Variants in MINDY4 observed in about 807,000 individuals in gnomAD.
MINDY4 encodes probable ubiquitin carboxyl-terminal hydrolase MINDY-4.
MINDY4 carries 68 observed loss-of-function variants against 87.0 expected under a neutral mutation model. That is an observed-to-expected ratio of 0.78 (90% confidence interval 0.64 to 0.96). The LOEUF is 0.96. Ranked by LOEUF, MINDY4 falls within the 40% of genes least tolerant of loss-of-function variation. MINDY4 has a pLI of 0.00. For missense variants in MINDY4, 919 were observed against 928.2 expected (o/e 0.99, Z 0.13); for synonymous variants, 379 against 363.2 (o/e 1.04, Z -0.50).
Position 30,875,637 on chromosome 7 carries a change from A to G in MINDY4, c.1952A>G (p.Glu651Gly), listed in dbSNP as rs778497421. ...GATATTGGCTTCTTATCTCTCTTTG[A>G]GCATTACAACATGTGCCAGGTACCC... Reference protein sequence around the residue: ...RSDIGFLSLFEHYNMCQVGCF... With the variant: ...RSDIGFLSLFGHYNMCQVGCF... Residue 651 changes from glutamate (E) to glycine (G), a missense_variant, in exon 15 of 18, where the codon GAG becomes GGG. Glu to Gly is a moderately conservative substitution (Grantham distance 98). Transcript: ENST00000265299. 20 of 1,611,640 alleles carry G rather than the reference A, an allele frequency of 1.2e-5. No homozygotes were observed. Among genetic ancestry groups the G allele is most frequent in the Non-Finnish European group, 1.7e-5 (20 of 1,178,372 alleles).
At chr7:30,880,410 C>G (rs964354042) in intron 15 of MINDY4, among the ~76,000 whole-genome samples, 1 of 151,602 alleles carries the variant, frequency 6.6e-6, no homozygotes, top group Non-Finnish European at 1.5e-5. Context: ...GAAAGAGGCT[C>G]CTGAATGAGG....
At chr7:30,776,503 C>G (rs983466772) in intron 1 of MINDY4, among the ~76,000 whole-genome samples, 1 of 152,138 alleles carries the variant, frequency 6.6e-6, no homozygotes, top group African/African-American at 2.4e-5. Flanking sequence ...ATGTTTTTTC[C>G]CCATATCATA....
chr7:30,871,987 G>A (rs1030098574), intron 13 of MINDY4, among the ~76,000 whole-genome samples: 1 of 152,130 alleles, frequency 6.6e-6, no homozygotes, highest in African/African-American at 2.4e-5. Flanking sequence ...TGTAGGCAGA[G>A]CCCTGGTGCG....
intron 12 of MINDY4, among the ~76,000 whole-genome samples, chr7:30,853,868 G>C (rs1789491193): frequency 6.6e-6 from 1 of 152,250 alleles, no homozygotes; most frequent in Non-Finnish European, 1.5e-5. Context: ...CAGCTGGTGA[G>C]GTAACCAGAA....
Position 30,791,561 on chromosome 7 carries a change from C to T in MINDY4, c.1060C>T (p.Pro354Ser). ...ERAFKRQGSQ[P>S]APVRKNQLLP... ...AGCGTTCAAACGGCAGGGCAGCCAG[C>T]CCGCACCTGTCAGGTGAGTGTGCTA... Residue 354 changes from proline (P) to serine (S), a missense_variant, in exon 5 of 18, where the codon CCC becomes TCC. Transcript: ENST00000265299. 6.2e-7 allele frequency: 1 copy of T among 1,611,220 alleles called. No homozygotes were observed. Among genetic ancestry groups the T allele is most frequent in the Middle Eastern group, 1.7e-4 (1 of 6,022 alleles).
intron 5 of MINDY4, among the ~76,000 whole-genome samples, chr7:30,823,680 C>T (rs7787573): frequency 0.038 from 5,793 of 152,156 alleles, 212 homozygotes; most frequent in East Asian, 0.22. Context: ...AATTTACAGC[C>T]TCTCTGAGAT....
chr7:30,810,831 T>C (rs1450974078), intron 5 of MINDY4, among the ~76,000 whole-genome samples: 2 of 152,184 alleles, frequency 1.3e-5, no homozygotes, highest in Non-Finnish European at 2.9e-5. Context: ...TTTGGCTTTC[T>C]TTGGTCTAAA....
intron 5 of MINDY4, among the ~76,000 whole-genome samples, chr7:30,808,830 G>A (rs1289240433): frequency 5.3e-5 from 8 of 151,658 alleles, no homozygotes; most frequent in Admixed American, 3.3e-4. Flanking sequence ...TCCCCACCCC[G>A]CACAATGGCT....
chr7:30,846,709 C>G (rs903846923), intron 9 of MINDY4, among the ~76,000 whole-genome samples: 1 of 151,700 alleles, frequency 6.6e-6, no homozygotes, highest in Non-Finnish European at 1.5e-5. Flanking sequence ...CGGTCCCCAG[C>G]CTTTTTGGCA....
chr7:30,877,427 C>G (rs556093926), intron 15 of MINDY4, among the ~76,000 whole-genome samples: 1 of 152,206 alleles, frequency 6.6e-6, no homozygotes, highest in African/African-American at 2.4e-5. Flanking sequence ...CTCCCCTCCT[C>G]GTGGGCTTCT....
rs1584300183 is a variant in MINDY4, at chr7:30,840,762, T to G, written c.1359T>G (p.Gly453=). Residue 453 remains glycine (G), a splice_region_variant and synonymous_variant, in exon 9 of 18, where the codon GGT becomes GGG. Coordinates refer to ENST00000265299, the MANE Select transcript of MINDY4 (RefSeq NM_032222.3). The part of the protein sequence containing the change: ...SLKYGIVQNK[G]GPCGVLAAVQ... ...AGCAATGGTCTCATTCTTTGCAGGGTGGTCCTTGCGGAGTCCTGGCAGCTG... is the reference window on the plus strand; with the variant it reads ...AGCAATGGTCTCATTCTTTGCAGGGGGGTCCTTGCGGAGTCCTGGCAGCTG... 1 of 1,613,926 alleles carries G rather than the reference T, an allele frequency of 6.2e-7. No individual in the cohort carries two copies. Among genetic ancestry groups the G allele is most frequent in the Non-Finnish European group, 8.5e-7 (1 of 1,179,894 alleles).
chr7:30,795,729 C>T (rs1184907873), intron 5 of MINDY4, among the ~76,000 whole-genome samples: 3 of 152,168 alleles, frequency 2.0e-5, no homozygotes, highest in Non-Finnish European at 4.4e-5. Context: ...GGCTGCATTC[C>T]TTCTGGAGCC....
rs142579979 is a variant in MINDY4 at position 30,822,619 on chromosome 7, CCTGT to C, written c.1074-6057_1074-6054del. 9.5e-3 allele frequency among the ~76,000 whole-genome samples: 1,202 copies of C among 126,954 alleles called. 16 individuals are homozygous for C. The highest frequency in any genetic ancestry group is 0.036 in the African/African-American group (1,095 of 30,242). 83.3% of individuals were successfully genotyped at this position (126,954 alleles called of 152,430 possible). On this transcript the variant is annotated intron_variant, in intron 5 of 17. Coordinates refer to ENST00000265299, the MANE Select transcript of MINDY4 (RefSeq NM_032222.3). ...TTTGCCCATTGTCTTGGTTGACGTGCCTGTCTATTTTATTTATTTATTTATTTAT... is the reference window on the plus strand; with the variant it reads ...TTTGCCCATTGTCTTGGTTGACGTGCCTATTTTATTTATTTATTTATTTAT...
At chr7:30,878,276 G>T (rs1790341091) in intron 15 of MINDY4, among the ~76,000 whole-genome samples, 1 of 152,206 alleles carries the variant, frequency 6.6e-6, no homozygotes, top group African/African-American at 2.4e-5. Context: ...TCTCACTGCA[G>T]CCTGGGGTTC....
At chr7:30,858,935 A>C in intron 12 of MINDY4, 1 of 586,826 alleles carries the variant, frequency 1.7e-6, no homozygotes, top group Non-Finnish European at 3.3e-6. Context: ...GTTCGGGGTG[A>C]TAATGCCCAT....
rs1788596618 is a variant in MINDY4, at chr7:30,828,711, A to C, written c.1106A>C (p.Asp369Ala). The C allele has an allele frequency of 6.2e-7, 1 of 1,613,660 alleles. No homozygotes were observed. ...KNQLLPSDKV[D>A]GELGALRLED... is the part of the protein sequence containing the mutation. ...CAGTTGCTGCCGTCTGACAAGGTGG[A>C]TGGTGAGCTGGGTGCCCTGCGGCTC... Residue 369 changes from aspartate (D) to alanine (A), a missense_variant, in exon 6 of 18, where the codon GAT becomes GCT. Asp to Ala is a moderately radical substitution (Grantham distance 126). Coordinates refer to ENST00000265299, the MANE Select transcript of MINDY4 (RefSeq NM_032222.3).
rs1789280444 is a variant in MINDY4, at chr7:30,848,032, C to T, written c.1446-2422C>T. Among the ~76,000 whole-genome samples the T allele has an allele frequency of 2.6e-5, 4 of 152,366 alleles. No homozygotes were observed. In the South Asian group the frequency reaches 8.3e-4, roughly 32 times the overall value. ...TACAGACATGAACCACTGCACCTGG[C>T]CACTGTTGGCTTTTAAAATCTTATT... On this transcript the variant is annotated intron_variant, in intron 9 of 17. Coordinates refer to ENST00000265299, the MANE Select transcript of MINDY4 (RefSeq NM_032222.3).
In MINDY4 at chr7:30,840,188, G is replaced by A. The variant is rs145840410; in HGVS notation, c.1357-572G>A. On this transcript the variant is annotated intron_variant, in intron 8 of 17. Transcript: ENST00000265299. The stretch of plus-strand genomic sequence containing the variant: ...GGAGTCAGATCCTGTGCTAAGCCCC[G>A]TGATGCCTACAGAGATGAGCTCCTC... Among the ~76,000 whole-genome samples, 238 of 152,292 alleles carry A rather than the reference G, an allele frequency of 1.6e-3. 1 individual carries two copies. The highest frequency in any genetic ancestry group is 5.4e-3 in the African/African-American group (225 of 41,556).
chr7:30,850,526 A>AG lies in MINDY4; in HGVS notation c.1523dup (p.Arg509ProfsTer39). 1 of 1,608,810 alleles carries AG rather than the reference A, an allele frequency of 6.2e-7. No individual in the cohort carries two copies. The highest frequency in any genetic ancestry group is 1.3e-5 in the African/African-American group (1 of 74,990). On this transcript the variant is annotated frameshift_variant, in exon 10 of 18. Coordinates refer to ENST00000265299, the MANE Select transcript of MINDY4 (RefSeq NM_032222.3). LOFTEE classifies it high-confidence loss of function. The stretch of plus-strand genomic sequence containing the variant: ...CCCTCGCAGACATTGTGTGGCGGGC[A>AG]GGGGGCCGAGAGAGAGCCGTTGTTG...
Sources: gnomAD v4.1 joint callset for allele counts (sites outside exome capture counted in the v4.1 genomes callset) on GRCh38, gnomAD v4.1.1 for gene constraint, MANE v1.5 for transcripts, NCBI Gene and HGNC (gene_info 2026-07-23, HGNC 2026-07-21) for gene names.